Variants in SFI1 observed in about 807,000 individuals in gnomAD.
SFI1 encodes the protein protein SFI1 homolog.
Under a neutral mutation model 207.5 loss-of-function variants are expected in SFI1, and 195 were observed. The ratio of observed to expected loss-of-function variants is 0.94; its 90% CI spans 0.84 to 1.06. SFI1 has a LOEUF of 1.06. SFI1 is among the 50% of genes least tolerant of loss of function. SFI1 has a pLI of 0.00. For missense variants in SFI1, 1,634 were observed against 1,588.0 expected, an observed-to-expected ratio of 1.03 and a Z score of -0.49; for synonymous variants, 630 against 598.9, an observed-to-expected ratio of 1.05 and a Z score of -0.76.
chr22:31,509,320 C>G (rs1009646464), intron 2 of SFI1, among the ~76,000 whole-genome samples: 6 of 152,200 alleles, frequency 3.9e-5, no homozygotes, highest in African/African-American at 1.2e-4. Context: ...AGCAGTGGCT[C>G]AGTCCAAGTC....
At chr22:31,496,416 A>G (rs1601701215), upstream of SFI1, 1 of 152,236 alleles carries the variant, frequency 6.6e-6, no homozygotes, top group African/African-American at 2.4e-5. Flanking sequence ...TGCGCCACCT[A>G]CCCGACTGAG....
intron 2 of SFI1, among the ~76,000 whole-genome samples, chr22:31,525,908 T>C (rs1402881796): frequency 6.6e-6 from 1 of 152,204 alleles, no homozygotes; most frequent in Non-Finnish European, 1.5e-5. Flanking sequence ...CCAGCTTTGT[T>C]CTTTTTGCTG....
At chr22:31,585,234 T>C (rs1569389944) in intron 14 of SFI1, 100 bp downstream of exon 14, 5 of 1,010,848 alleles carry the variant, frequency 4.9e-6, no homozygotes, top group East Asian at 2.5e-5. Context: ...AGAAGTCTTA[T>C]CGTTCTGCTT....
intron 8 of SFI1, among the ~76,000 whole-genome samples, chr22:31,572,064 G>C (rs546861644): frequency 5.9e-5 from 9 of 152,176 alleles, no homozygotes; most frequent in African/African-American, 2.2e-4. Context: ...GGGGACTGAC[G>C]TTGGTGGGAG....
Position 31,618,326 on chromosome 22 carries a change from A to G in SFI1, c.3637A>G (p.Ile1213Val), listed in dbSNP as rs1465963037. ...TCCATGGCCCCAGGTGGAAATGCAG[A>G]TCCAGCTGCTGGCAGAGGAGCTCCA... ...QKELEQVEMQ[I>V]QLLAEELQAQ... is the part of the protein sequence containing the mutation. The change falls in exon 33 of 33, where the codon ATC becomes GTC. Residue 1213 changes from isoleucine (I) to valine (V), a missense_variant. Ile to Val is a conservative substitution (Grantham distance 29). Transcript: ENST00000400288. 6.2e-7 allele frequency: 1 copy of G among 1,609,994 alleles called. No individual in the cohort carries two copies. Among genetic ancestry groups the G allele is most frequent in the South Asian group, 1.1e-5 (1 of 90,844 alleles).
chr22:31,530,807 G>T (rs751581929), intron 3 of SFI1: 3 of 501,352 alleles, frequency 6.0e-6, no homozygotes, highest in Non-Finnish European at 1.1e-5. Context: ...CCTCATTTTT[G>T]AAGTTTTTAA....
chr22:31,522,400 A>G (rs2147118937), intron 2 of SFI1, among the ~76,000 whole-genome samples: 1 of 152,256 alleles, frequency 6.6e-6, no homozygotes, highest in East Asian at 1.9e-4. Context: ...ACCATTAAGT[A>G]CATTGACAAT....
chr22:31,540,005 C>T (rs1350295376), intron 4 of SFI1, among the ~76,000 whole-genome samples: 1 of 151,960 alleles, frequency 6.6e-6, no homozygotes, highest in Non-Finnish European at 1.5e-5. Flanking sequence ...GTGTGAGCCA[C>T]CACACCCAGC....
chr22:31,506,627 A>G (rs906108599), intron 1 of SFI1, among the ~76,000 whole-genome samples: 5 of 152,154 alleles, frequency 3.3e-5, no homozygotes, highest in Admixed American at 2.6e-4. Context: ...TCTCAGCCCA[A>G]AAGCTTCTTA....
chr22:31,562,983 T>TA (rs2061875831), intron 8 of SFI1, among the ~76,000 whole-genome samples: 1 of 142,304 alleles, frequency 7.0e-6, no homozygotes, highest in African/African-American at 2.6e-5. Flanking sequence ...TCATCATCTT[T>TA]TATATATATA....
At chr22:31,606,704 T>C (rs1431580864) in intron 21 of SFI1, 4 of 240,694 alleles carry the variant, frequency 1.7e-5, no homozygotes, top group Non-Finnish European at 2.4e-5. Context: ...TTTTTTTTTT[T>C]TTTTTTTTTT....
Position 31,602,282 on chromosome 22 carries a change from G to C in SFI1, c.1615G>C (p.Ala539Pro). ...KMFQHRENRL[A>P]ERMAILHAER... ...GTTTCAGCATCGAGAAAACCGCCTG[G>C]CAGAGAGAATGGTAAATGGCTGTCC... The change falls in exon 16 of 33, where the codon GCA (alanine) becomes CCA (proline). Residue 539 changes from alanine (A) to proline (P), a missense_variant. Transcript: ENST00000400288. 6.2e-7 allele frequency: 1 copy of C among 1,613,960 alleles called. No individual in the cohort carries two copies. Among genetic ancestry groups the C allele is most frequent in the Admixed American group, 1.7e-5 (1 of 60,014 alleles).
intron 6 of SFI1, among the ~76,000 whole-genome samples, chr22:31,552,227 T>C (rs1197821397): frequency 6.6e-6 from 1 of 152,148 alleles, no homozygotes; most frequent in Non-Finnish European, 1.5e-5. Flanking sequence ...TTTTTATGGC[T>C]GGGTGGTATT....
intron 15 of SFI1, among the ~76,000 whole-genome samples, chr22:31,594,854 CAAAAAAAAAAA>C (rs67157514): frequency 6.5e-5 from 5 of 76,814 alleles, no homozygotes; most frequent in African/African-American, 5.5e-5. Flanking sequence ...GACTCTGTCT[CAAAAAAAAAAA>C]AAAAAAAAAA....
chr22:31,556,136 C>G (rs1480795653), intron 6 of SFI1, among the ~76,000 whole-genome samples: 1 of 150,970 alleles, frequency 6.6e-6, no homozygotes. Flanking sequence ...TGGAGTCAAA[C>G]AGCAAGTTTT....
chr22:31,542,803 AG>A (rs1406169187), intron 4 of SFI1, among the ~76,000 whole-genome samples: 2 of 151,114 alleles, frequency 1.3e-5, no homozygotes, highest in Non-Finnish European at 2.9e-5. Context: ...CTGGGACTAC[AG>A]GCATGCACCA....
intron 6 of SFI1, 68 bp from the exon 7 acceptor site, chr22:31,556,874 C>A: frequency 1.9e-6 from 2 of 1,078,456 alleles, no homozygotes; most frequent in Non-Finnish European, 1.3e-6. Flanking sequence ...AGCCCTTGAG[C>A]TTTTATCATA....
At chr22:31,523,922 A>G (rs1217930387) in intron 2 of SFI1, among the ~76,000 whole-genome samples, 1 of 152,040 alleles carries the variant, frequency 6.6e-6, no homozygotes, top group Non-Finnish European at 1.5e-5. Flanking sequence ...AAGTTGCAAC[A>G]ATAGCACACC....
intron 1 of SFI1, among the ~76,000 whole-genome samples, chr22:31,500,404 CT>C (rs2053545995): frequency 6.6e-6 from 1 of 152,046 alleles, no homozygotes; most frequent in African/African-American, 2.4e-5. Flanking sequence ...AATATTACAA[CT>C]CACTGAAGAA....
Sources: gnomAD v4.1 joint callset for allele counts (sites outside exome capture counted in the v4.1 genomes callset) on GRCh38, gnomAD v4.1.1 for gene constraint, MANE v1.5 for transcripts, NCBI Gene and HGNC (gene_info 2026-07-23, HGNC 2026-07-21) for gene names.